Variants in MYRIP observed in about 807,000 individuals in gnomAD.
MYRIP encodes the protein rab effector MyRIP.
A neutral mutation model predicts 98.0 loss-of-function variants in MYRIP; 49 were observed. The observed-to-expected ratio is 0.50, with a 90% CI of 0.40 to 0.63. The LOEUF (loss-of-function observed/expected upper bound fraction) is 0.63, where lower values mean the gene tolerates loss of function less well. Among genes scored for constraint, MYRIP ranks in the 30% least tolerant of loss-of-function variants. The pLI, the probability that MYRIP is intolerant of heterozygous loss-of-function variation, is 0.00. For missense variants in MYRIP, 1,004 were observed against 1,058.2 expected (o/e 0.95, Z 0.71); for synonymous variants, 404 against 409.5 (o/e 0.99, Z 0.16).
At chr3:39,843,965 G>A (rs966904535) in intron 1 of MYRIP, among the ~76,000 whole-genome samples, 22 of 152,270 alleles carry the variant, frequency 1.4e-4, no homozygotes, top group Middle Eastern at 3.4e-3. Flanking sequence ...TGTCCATTTT[G>A]TATGAAGACT....
intron 1 of MYRIP, among the ~76,000 whole-genome samples, chr3:39,843,202 A>G (rs560806080): frequency 6.6e-6 from 1 of 152,270 alleles, no homozygotes; most frequent in East Asian, 1.9e-4. Context: ...AAATTTCTTT[A>G]TAGTGTTATT....
chr3:39,995,687 G>C (rs1468681299), intron 2 of MYRIP, among the ~76,000 whole-genome samples: 1 of 152,126 alleles, frequency 6.6e-6, no homozygotes, highest in Non-Finnish European at 1.5e-5. Context: ...TACAATGAAT[G>C]ACGCAAAGAT....
At chr3:40,073,754 T>G (rs1016212530) in intron 3 of MYRIP, among the ~76,000 whole-genome samples, 26 of 152,344 alleles carry the variant, frequency 1.7e-4, no homozygotes, top group Admixed American at 1.5e-3. Flanking sequence ...TCTGCATAGG[T>G]AGTTTCCCAC....
chr3:39,868,328 T>C (rs192720566), intron 1 of MYRIP, among the ~76,000 whole-genome samples: 249 of 152,332 alleles, frequency 1.6e-3, no homozygotes, highest in Non-Finnish European at 3.0e-3. Flanking sequence ...TTTGGGGGTA[T>C]TGAGGTCCCT....
At chr3:39,995,593 C>A (rs1258651836) in intron 2 of MYRIP, among the ~76,000 whole-genome samples, 3 of 152,142 alleles carry the variant, frequency 2.0e-5, no homozygotes, top group Non-Finnish European at 2.9e-5. Flanking sequence ...GAGAATGGAA[C>A]CAAGTTGGAA....
intron 3 of MYRIP, among the ~76,000 whole-genome samples, chr3:40,141,839 T>G (rs919321488): frequency 4.6e-5 from 7 of 152,190 alleles, no homozygotes; most frequent in African/African-American, 1.4e-4. Context: ...GCTGTTTTGG[T>G]TACAACAGCT....
rs1942428843 is a variant in MYRIP, at chr3:39,860,193, C to T, written c.-30-40594C>T. ...GGAACTCATTCCTGGTCCTGAATGA[C>T]TCCTGGGGAAGGTGTGAGTTGAGCA... On this transcript the variant is annotated intron_variant, in intron 1 of 16. Transcript: ENST00000302541. Among the ~76,000 whole-genome samples, 4 of 152,208 alleles carry T rather than the reference C, an allele frequency of 2.6e-5. 1 individual carries two copies. The highest frequency in any genetic ancestry group is 2.6e-4 in the Admixed American group (4 of 15,288).
intron 2 of MYRIP, among the ~76,000 whole-genome samples, chr3:39,926,975 T>C (rs1369483233): frequency 3.9e-5 from 6 of 152,038 alleles, no homozygotes; most frequent in African/African-American, 1.2e-4. Context: ...GAATGTTTTT[T>C]GATTTGTTTA....
At chr3:40,130,058 A>C (rs1357025594) in intron 3 of MYRIP, among the ~76,000 whole-genome samples, 1 of 152,180 alleles carries the variant, frequency 6.6e-6, no homozygotes, top group Non-Finnish European at 1.5e-5. Context: ...TTTAAATTTT[A>C]TTCTGATTCT....
At chr3:40,190,735 T>C (rs1321085428) in intron 10 of MYRIP, among the ~76,000 whole-genome samples, 1 of 152,138 alleles carries the variant, frequency 6.6e-6, no homozygotes, top group Non-Finnish European at 1.5e-5. Flanking sequence ...GGAAACTCAT[T>C]AGAAATCTGC....
At chr3:39,989,476 G>A (rs1008056755) in intron 2 of MYRIP, among the ~76,000 whole-genome samples, 1 of 152,188 alleles carries the variant, frequency 6.6e-6, no homozygotes, top group Non-Finnish European at 1.5e-5. Context: ...GACAACCCCT[G>A]TTGGAAGATC....
chr3:40,169,467 G>A (rs904932905), intron 7 of MYRIP, among the ~76,000 whole-genome samples: 7 of 152,150 alleles, frequency 4.6e-5, no homozygotes, highest in Non-Finnish European at 8.8e-5. Flanking sequence ...GGTGACTCTT[G>A]GTGTCTACAC....
chr3:40,033,462 C>T (rs529073919), intron 2 of MYRIP, among the ~76,000 whole-genome samples: 22 of 152,216 alleles, frequency 1.4e-4, no homozygotes, highest in African/African-American at 4.3e-4. Context: ...AGTGAACTCC[C>T]GTTCACAGTT....
In MYRIP at chr3:39,819,529, T is replaced by C. The variant is rs762059231; in HGVS notation, c.-31+9613T>C. ...CCATCCTAGGGTGTAGATTCTACCA[T>C]TGGACAATTATTCCTTTTTGTCTTC... On this transcript the variant is annotated intron_variant, in intron 1 of 16. Transcript: ENST00000302541. Among the ~76,000 whole-genome samples, 11 of 152,036 alleles carry C rather than the reference T, an allele frequency of 7.2e-5. No individual in the cohort carries two copies. In the East Asian group the frequency reaches 2.1e-3, roughly 29 times the overall value.
At position 40,209,924 on chromosome 3, in the gene MYRIP, C is replaced by T. The variant is rs1951876356; in HGVS notation, c.1736C>T (p.Thr579Ile). The change falls in exon 11 of 17, where the codon ACA (threonine) becomes ATA (isoleucine). Residue 579 changes from threonine (T) to isoleucine (I), a missense_variant. Physicochemically the swap from Thr to Ile is moderately conservative, Grantham distance 89. Around this residue, in one of 3 missense-constraint regions of MYRIP, gnomAD observed 880 missense variants for 907.7 expected, o/e 0.97. Coordinates refer to ENST00000302541, the MANE Select transcript of MYRIP (RefSeq NM_015460.4). ...GATCCCCAGACTCTCACAGACACCACAGAGGAGAAACGGAGAAACAGGCTG... is the reference window on the plus strand; with the variant it reads ...GATCCCCAGACTCTCACAGACACCATAGAGGAGAAACGGAGAAACAGGCTG... ...ARDPQTLTDTTEEKRRNRLYE... is the reference protein window; with the variant it reads ...ARDPQTLTDTIEEKRRNRLYE... 11 of 1,613,848 alleles carry T rather than the reference C, an allele frequency of 6.8e-6. No homozygotes were observed. Among genetic ancestry groups the T allele is most frequent in the Non-Finnish European group, 7.6e-6 (9 of 1,179,928 alleles).
chr3:40,047,708 G>A (rs1020929451), intron 3 of MYRIP, among the ~76,000 whole-genome samples: 1 of 152,106 alleles, frequency 6.6e-6, no homozygotes. Context: ...GAAATATGTG[G>A]CATATTTTTG....
chr3:40,119,923 AAAATAAATAAAT>A (rs541090121), intron 3 of MYRIP, among the ~76,000 whole-genome samples: 2 of 151,696 alleles, frequency 1.3e-5, no homozygotes, highest in Non-Finnish European at 1.5e-5. Context: ...TAATAATAAT[AAAATAAATAAAT>A]AAATAAATAA....
chr3:39,863,654 A>C (rs1003064980), intron 1 of MYRIP, among the ~76,000 whole-genome samples: 4 of 152,232 alleles, frequency 2.6e-5, no homozygotes, highest in African/African-American at 9.6e-5. Flanking sequence ...TGAGTTCTTA[A>C]ATTGAATCAG....
intron 1 of MYRIP, among the ~76,000 whole-genome samples, chr3:39,848,612 C>T (rs775238036): frequency 3.2e-4 from 49 of 152,274 alleles, no homozygotes; most frequent in South Asian, 2.3e-3. Flanking sequence ...GGCTAAGCTA[C>T]TTAAGAGCTC....
Sources: allele counts gnomAD v4.1 joint callset (sites outside exome capture counted in the v4.1 genomes callset), GRCh38; gene constraint gnomAD v4.1.1; regional missense constraint gnomAD v4.1.1; transcripts MANE v1.5; gene names NCBI Gene and HGNC (gene_info 2026-07-23, HGNC 2026-07-21).